The following GRHL2 variants were observed in gnomAD, a reference collection of about 807,000 sequenced individuals.
GRHL2 encodes grainyhead like transcription factor 2.
Under a neutral mutation model 83.8 loss-of-function variants are expected in GRHL2, and 21 were observed. The ratio of observed to expected loss-of-function variants is 0.25; its 90% CI spans 0.18 to 0.36. The LOEUF (loss-of-function observed/expected upper bound fraction) is 0.36. GRHL2 is among the 10% of genes least tolerant of loss of function. The probability of loss-of-function intolerance (pLI) is 1.00; values close to 1 mark genes in which losing one functional copy is unlikely to be tolerated. For missense variants in GRHL2, 623 were observed against 781.8 expected (o/e 0.80, Z 2.42); for synonymous variants, 280 against 278.9 (o/e 1.00, Z -0.04).
chr8:101,640,699 G>T (rs538307521), intron 12 of GRHL2, among the ~76,000 whole-genome samples: 3 of 152,116 alleles, frequency 2.0e-5, no homozygotes, highest in South Asian at 2.1e-4. Flanking sequence ...TTGCAGCAAG[G>T]TCCCTTCAAG....
intron 13 of GRHL2, among the ~76,000 whole-genome samples, chr8:101,646,221 A>C (rs894493799): frequency 2.0e-5 from 3 of 152,222 alleles, no homozygotes; most frequent in Admixed American, 6.5e-5. Context: ...ATTCCAGTAC[A>C]TTTGAACCTC....
At chr8:101,521,397 C>A (rs1810680267) in intron 1 of GRHL2, among the ~76,000 whole-genome samples, 1 of 152,212 alleles carries the variant, frequency 6.6e-6, no homozygotes, top group African/African-American at 2.4e-5. Context: ...GCAACAGGAT[C>A]TTTGGCCCAT....
intron 4 of GRHL2, chr8:101,562,273 T>C: frequency 1.6e-6 from 1 of 606,122 alleles, no homozygotes; most frequent in Non-Finnish European, 3.0e-6. Context: ...TTTCTACATT[T>C]TTCAAATTCA....
chr8:101,608,018 C>T (rs1037770455), intron 8 of GRHL2, among the ~76,000 whole-genome samples: 2 of 152,168 alleles, frequency 1.3e-5, no homozygotes, highest in African/African-American at 4.8e-5. Context: ...TTGTATTGTG[C>T]AGAGAATTAG....
chr8:101,622,784 C>T (rs564026029), intron 9 of GRHL2, among the ~76,000 whole-genome samples: 1 of 152,296 alleles, frequency 6.6e-6, no homozygotes, highest in South Asian at 2.1e-4. Context: ...GTGTGCCCAT[C>T]ACCCGAGCAG....
At chr8:101,634,437 G>A (rs533846289) in intron 11 of GRHL2, among the ~76,000 whole-genome samples, 20 of 152,256 alleles carry the variant, frequency 1.3e-4, no homozygotes, top group Admixed American at 5.9e-4. Context: ...AAGAGGCAGT[G>A]CCATGGCCTT....
rs1324618996 is a variant in GRHL2 at position 101,652,412 on chromosome 8, GGT to G, written c.1698+2925_1698+2926del. On this transcript the variant is annotated intron_variant, in intron 14 of 15. Transcript: ENST00000646743. The stretch of plus-strand genomic sequence containing the variant: ...GTGTGTGTGTGTCTGGTGTGTGTGT[GGT>G]GTGTGTGTGTGGTGTGTGTGTCTGG... Among the ~76,000 whole-genome samples the G allele has an allele frequency of 5.0e-3, 376 of 75,022 alleles. 14 individuals carry two copies. The highest frequency in any genetic ancestry group is 0.025 in the African/African-American group (306 of 12,238). 49.2% of individuals were successfully genotyped at this position (75,022 alleles called of 152,430 possible).
chr8:101,531,823 G>GGAGA (rs141915427), intron 1 of GRHL2, among the ~76,000 whole-genome samples: 3 of 151,304 alleles, frequency 2.0e-5, no homozygotes, highest in African/African-American at 2.4e-5. Flanking sequence ...AGGGGGTGGG[G>GGAGA]GAGAGAGAGA....
chr8:101,601,686 A>G (rs769728642), intron 8 of GRHL2, among the ~76,000 whole-genome samples: 9 of 152,202 alleles, frequency 5.9e-5, no homozygotes, highest in Non-Finnish European at 7.3e-5. Context: ...CTTCATTAAT[A>G]ATATTTTAAG....
intron 8 of GRHL2, among the ~76,000 whole-genome samples, chr8:101,607,663 G>A (rs1016548192): frequency 2.0e-5 from 3 of 152,186 alleles, no homozygotes; most frequent in Admixed American, 1.3e-4. Flanking sequence ...CCTGGGAGGG[G>A]TCTTGAAAGA....
intron 14 of GRHL2, among the ~76,000 whole-genome samples, chr8:101,660,475 C>CTTTA (rs999026751): frequency 1.3e-5 from 2 of 152,056 alleles, no homozygotes; most frequent in African/African-American, 4.8e-5. Context: ...TTATCTTTCT[C>CTTTA]TTTATTTATT....
intron 2 of GRHL2, 182 bp downstream of exon 2, chr8:101,543,618 T>G (rs2130123632): frequency 1.5e-6 from 1 of 670,920 alleles, no homozygotes; most frequent in East Asian, 2.8e-5. Flanking sequence ...AGCTCAACTT[T>G]ATCACCCATC....
intron 7 of GRHL2, among the ~76,000 whole-genome samples, chr8:101,585,250 G>A (rs779892830): frequency 6.6e-6 from 1 of 152,170 alleles, no homozygotes. Flanking sequence ...ATACAGATTT[G>A]CTCTCTCCCT....
At chr8:101,614,548 C>T (rs762016999) in intron 8 of GRHL2, among the ~76,000 whole-genome samples, 3 of 142,848 alleles carry the variant, frequency 2.1e-5, no homozygotes, top group East Asian at 1.9e-4. Flanking sequence ...AGGCTTCCAC[C>T]GAAGTGAAAA....
intron 1 of GRHL2, among the ~76,000 whole-genome samples, chr8:101,507,770 CTTTT>C (rs11295472): frequency 1.6e-3 from 107 of 66,304 alleles, no homozygotes; most frequent in African/African-American, 6.6e-3. Flanking sequence ...ATGATTATCC[CTTTT>C]TTTTTTTTTT....
In GRHL2 at chr8:101,619,207, C is replaced by T. The variant is rs534184897; in HGVS notation, c.1099-332C>T. Among the ~76,000 whole-genome samples the T allele has an allele frequency of 4.6e-5, 7 of 152,136 alleles. No homozygotes were observed. In the East Asian group the frequency reaches 1.2e-3, roughly 25 times the overall value. On this transcript the variant is annotated intron_variant, in intron 8 of 15. Transcript: ENST00000646743. Reference sequence around the variant, plus strand: ...GGGGGAGGTTGCAGTGAGCTGAGATCACGCCACTGCACTCCAGCCTGGGCG... The same window carrying T: ...GGGGGAGGTTGCAGTGAGCTGAGATTACGCCACTGCACTCCAGCCTGGGCG...
intron 8 of GRHL2, among the ~76,000 whole-genome samples, chr8:101,604,314 C>G (rs187817625): frequency 6.6e-6 from 1 of 152,288 alleles, no homozygotes; most frequent in Admixed American, 6.5e-5. Flanking sequence ...AGATTCCTGG[C>G]ACCGAGCACT....
chr8:101,638,875 A>G (rs1318497561), intron 12 of GRHL2, among the ~76,000 whole-genome samples: 1 of 152,198 alleles, frequency 6.6e-6, no homozygotes, highest in African/African-American at 2.4e-5. Context: ...GAGCTCAGGA[A>G]GCCCAAGTTC....
At chr8:101,573,085 G>A (rs1665215146) in intron 5 of GRHL2, among the ~76,000 whole-genome samples, 1 of 152,212 alleles carries the variant, frequency 6.6e-6, no homozygotes, top group Non-Finnish European at 1.5e-5. Flanking sequence ...ACCCTGCCAT[G>A]AGTTCTTCCG....
Sources: allele counts gnomAD v4.1 joint callset (sites outside exome capture counted in the v4.1 genomes callset), GRCh38; gene constraint gnomAD v4.1.1; transcripts MANE v1.5; gene names NCBI Gene and HGNC (gene_info 2026-07-23, HGNC 2026-07-21).